Variants in CACNB2 observed in about 807,000 individuals in gnomAD.
CACNB2 encodes the protein voltage-dependent L-type calcium channel subunit beta-2.
CACNB2 carries 42 observed loss-of-function variants against 73.3 expected under a neutral mutation model. The ratio of observed to expected loss-of-function variants is 0.57; its 90% CI spans 0.45 to 0.74. The LOEUF (loss-of-function observed/expected upper bound fraction) is 0.74. Ranked by LOEUF, CACNB2 falls within the 30% of genes least tolerant of loss-of-function variation. The probability of loss-of-function intolerance (pLI) is 0.00; values close to 1 mark genes in which losing one functional copy is unlikely to be tolerated. For synonymous variants in CACNB2, 348 were observed against 310.3 expected (o/e 1.12, Z -1.28); for missense variants, 940 against 853.0 (o/e 1.10, Z -1.27).
chr10:18,150,888 T>A lies in CACNB2; in HGVS notation c.126T>A (p.Tyr42Ter). 7.4e-7 allele frequency: 1 copy of A among 1,348,178 alleles called. No homozygotes were observed. The highest frequency in any genetic ancestry group is 1.0e-6 in the Non-Finnish European group (1 of 963,074). 83.5% of individuals were successfully genotyped at this position (1,348,178 alleles called of 1,614,324 possible). Residue 42 changes from tyrosine (Y) to a stop codon, truncating the protein, a stop_gained, in exon 2 of 14, where the codon TAT (tyrosine) becomes TAA (stop). Coordinates refer to ENST00000324631, the MANE Select transcript of CACNB2 (RefSeq NM_201596.3). LOFTEE classifies it high-confidence loss of function. ...TTTTTTTTTTTTTTTTTTAGTCATA[T>A]GGAAAAGGAGCCAGAAGGAAAAACA... Reference protein sequence around the residue: ...AGALGAAAQSYGKGARRKNRF... With the variant: ...AGALGAAAQS
intron 2 of CACNB2, among the ~76,000 whole-genome samples, chr10:18,291,121 C>T (rs537544650): frequency 6.6e-6 from 1 of 152,302 alleles, no homozygotes; most frequent in South Asian, 2.1e-4. Context: ...CGTCGTGAGG[C>T]TGCGCAGAAG....
At chr10:18,502,949 C>T (rs369645981) in intron 5 of CACNB2, among the ~76,000 whole-genome samples, 8 of 151,276 alleles carry the variant, frequency 5.3e-5, no homozygotes, top group East Asian at 1.9e-4. Context: ...ACATGTACCC[C>T]GAAACTAAAA....
At chr10:18,295,088 T>C (rs2039223109) in intron 2 of CACNB2, among the ~76,000 whole-genome samples, 1 of 152,212 alleles carries the variant, frequency 6.6e-6, no homozygotes, top group Admixed American at 6.5e-5. Context: ...GTTTTACAAA[T>C]GAGTATTATG....
chr10:18,151,026 AT>A lies in CACNB2; in HGVS notation c.213+56del, dbSNP rs745817744. Reference sequence around the variant, plus strand: ...GATAAGTACCTTAAAATGACTTTAGATTTTTAAAGGTGGGTTTCACTCTTTT... The same window carrying A: ...GATAAGTACCTTAAAATGACTTTAGATTTTAAAGGTGGGTTTCACTCTTTT... On this transcript the variant is annotated intron_variant, in intron 2 of 13. Transcript: ENST00000324631. 3.0e-5 allele frequency: 34 copies of A among 1,151,392 alleles called. No individual in the cohort carries two copies. The East Asian group carries it at 6.3e-4, about 21-fold the overall frequency. The allele number at this position is 1,151,392 out of a possible 1,614,324, so 71.3% of individuals were successfully genotyped here. A position where few individuals can be genotyped will look rare whatever the true frequency, so the allele number is the denominator to read the frequency against.
At chr10:18,501,218 A>G (rs901040570) in intron 5 of CACNB2, among the ~76,000 whole-genome samples, 60 of 152,252 alleles carry the variant, frequency 3.9e-4, no homozygotes, top group African/African-American at 1.4e-3. Flanking sequence ...TCCAGGGCAG[A>G]GGAAAATCTG....
chr10:18,462,822 G>A (rs1377091640), intron 3 of CACNB2, among the ~76,000 whole-genome samples: 4 of 151,762 alleles, frequency 2.6e-5, no homozygotes, highest in East Asian at 1.9e-4. Flanking sequence ...GCAGTGACAC[G>A]ATCTAGTCTC....
At chr10:18,300,290 G>A (rs1344426830) in intron 2 of CACNB2, among the ~76,000 whole-genome samples, 1 of 152,140 alleles carries the variant, frequency 6.6e-6, no homozygotes, top group East Asian at 1.9e-4. Flanking sequence ...CCAAACTGCT[G>A]GGATTATAGG....
intron 2 of CACNB2, among the ~76,000 whole-genome samples, chr10:18,337,925 C>T (rs2041072092): frequency 6.6e-6 from 1 of 152,068 alleles, no homozygotes; most frequent in Admixed American, 6.6e-5. Flanking sequence ...ACAAAATCAA[C>T]TCAAAGTGGA....
At chr10:18,354,424 G>C (rs1322420425) in intron 2 of CACNB2, among the ~76,000 whole-genome samples, 1 of 152,070 alleles carries the variant, frequency 6.6e-6, no homozygotes, top group Non-Finnish European at 1.5e-5. Context: ...AAGGTCAGAA[G>C]GCTGTTGGAA....
intron 3 of CACNB2, among the ~76,000 whole-genome samples, chr10:18,447,836 A>T (rs1271937459): frequency 4.6e-5 from 7 of 152,264 alleles, no homozygotes; most frequent in East Asian, 1.9e-4. Context: ...ATTTCTTTTT[A>T]AAAAAATCTT....
chr10:18,541,689 C>T lies in CACNB2; in HGVS notation c.*1965C>T, dbSNP rs10828872. 0.35 allele frequency: 52,711 copies of T among 151,792 alleles called. 9,716 individuals are homozygous for T. The highest frequency in any genetic ancestry group is 0.73 in the East Asian group (3,744 of 5,130). 9.4% of individuals were successfully genotyped at this position (151,792 alleles called of 1,614,324 possible). The stretch of plus-strand genomic sequence containing the variant: ...CAGCCTGGCCAACGTGGCGAAACCC[C>T]GTCTCTACTAAAAAGATAAAAAATT... On this transcript the variant is annotated 3_prime_UTR_variant, in exon 14 of 14. Coordinates refer to ENST00000324631, the MANE Select transcript of CACNB2 (RefSeq NM_201596.3).
chr10:18,287,623 G>A (rs899096517), intron 2 of CACNB2, among the ~76,000 whole-genome samples: 6 of 152,178 alleles, frequency 3.9e-5, no homozygotes, highest in Non-Finnish European at 7.3e-5. Flanking sequence ...GGCCAAGGTG[G>A]ACAGATCACC....
At chr10:18,407,698 T>C (rs572242386) in intron 3 of CACNB2, among the ~76,000 whole-genome samples, 2 of 152,256 alleles carry the variant, frequency 1.3e-5, no homozygotes, top group East Asian at 3.9e-4. Flanking sequence ...GTGTAATCAT[T>C]TTTCTCACTT....
chr10:18,382,837 C>G (rs894729167), intron 2 of CACNB2, among the ~76,000 whole-genome samples: 23 of 152,128 alleles, frequency 1.5e-4, no homozygotes, highest in African/African-American at 5.6e-4. Context: ...GTGAATAGTA[C>G]TGCAATGTAC....
At chr10:18,203,797 TACTA>T (rs957795584) in intron 2 of CACNB2, among the ~76,000 whole-genome samples, 7 of 152,342 alleles carry the variant, frequency 4.6e-5, no homozygotes, top group African/African-American at 1.2e-4. Flanking sequence ...AAAAAAAAGA[TACTA>T]AATAAAGAAC....
rs2046687569 is a variant in CACNB2, at chr10:18,445,489, C to A, written c.333+43446C>A. On this transcript the variant is annotated intron_variant, in intron 3 of 13. Transcript: ENST00000324631. Reference sequence around the variant, plus strand: ...GAATTGAAAAACATGAGTGAGTATCCTTTCCTATGTACAGGAGATTTCCGA... The same window carrying A: ...GAATTGAAAAACATGAGTGAGTATCATTTCCTATGTACAGGAGATTTCCGA... Among the ~76,000 whole-genome samples, 3 of 152,268 alleles carry A rather than the reference C, an allele frequency of 2.0e-5. No individual in the cohort carries two copies. The South Asian group carries it at 6.2e-4, about 32-fold the overall frequency.
intron 2 of CACNB2, among the ~76,000 whole-genome samples, chr10:18,220,147 A>ATATG (rs1295352437): frequency 6.8e-5 from 3 of 44,122 alleles, no homozygotes; most frequent in Non-Finnish European, 7.5e-5. Flanking sequence ...ATATATATAT[A>ATATG]TATATATACA....
chr10:18,156,874 G>GAA (rs397697859), intron 2 of CACNB2, among the ~76,000 whole-genome samples: 76 of 142,424 alleles, frequency 5.3e-4, no homozygotes, highest in Middle Eastern at 3.8e-3. Context: ...ACTAAAAGTA[G>GAA]AAAAAAAAAA....
chr10:18,342,725 C>G (rs552905991), intron 2 of CACNB2, among the ~76,000 whole-genome samples: 92 of 152,158 alleles, frequency 6.0e-4, no homozygotes, highest in African/African-American at 2.2e-3. Context: ...TATAACCATT[C>G]AACACTTTAA....
Sources: gnomAD v4.1 joint callset for allele counts (sites outside exome capture counted in the v4.1 genomes callset) on GRCh38, gnomAD v4.1.1 for gene constraint, MANE v1.5 for transcripts, NCBI Gene and HGNC (gene_info 2026-07-23, HGNC 2026-07-21) for gene names.